KATNAL2: variants seen among roughly 807,000 people sequenced by gnomAD.
KATNAL2 encodes the protein katanin p60 ATPase-containing subunit A-like 2.
Under a neutral mutation model 76.3 loss-of-function variants are expected in KATNAL2, and 52 were observed. The observed-to-expected ratio is 0.68, with a 90% CI of 0.55 to 0.86. The LOEUF is 0.86. KATNAL2 is among the 40% of genes least tolerant of loss of function. KATNAL2 has a pLI of 0.00. For synonymous variants in KATNAL2, 243 were observed against 244.2 expected, an observed-to-expected ratio of 1.00 and a Z score of 0.05; for missense variants, 660 against 668.9, an observed-to-expected ratio of 0.99 and a Z score of 0.15.
chr18:47,034,638 T>C (rs1394339000), intron 3 of KATNAL2: 1 of 1,614,050 alleles, frequency 6.2e-7, no homozygotes, highest in Non-Finnish European at 8.5e-7. Context: ...CCTGGCAGCC[T>C]GGACACAGCA....
In KATNAL2 at chr18:47,101,984, CCTT is replaced by C. The variant is rs1192232197; in HGVS notation, c.*983_*985del. 1.3e-5 allele frequency: 2 copies of C among 152,312 alleles called. No individual in the cohort carries two copies. The highest frequency in any genetic ancestry group is 6.5e-5 in the Admixed American group (1 of 15,294). 9.4% of individuals were successfully genotyped at this position (152,312 alleles called of 1,614,324 possible). Reference sequence around the variant, plus strand: ...ACTAGAACTTACCTATGGGAAATCACCTTCTTTTCTCTTCCTTGCCTTGTCTTC... The same window carrying C: ...ACTAGAACTTACCTATGGGAAATCACCTTTTCTCTTCCTTGCCTTGTCTTC... On this transcript the variant is annotated 3_prime_UTR_variant, in exon 18 of 18. Transcript: ENST00000683218.
chr18:47,087,802 A>G (rs1170348940), intron 15 of KATNAL2, among the ~76,000 whole-genome samples: 1 of 150,566 alleles, frequency 6.6e-6, no homozygotes, highest in African/African-American at 2.5e-5. Flanking sequence ...TACACAGAGC[A>G]ACAAAAATGC....
At position 47,100,890 on chromosome 18, in the gene KATNAL2, A is replaced by C; in HGVS notation, c.1502A>C (p.Gln501Pro). The change falls in exon 18 of 18, where the codon CAG becomes CCG. Residue 501 changes from glutamine (Q) to proline (P), a missense_variant. Coordinates refer to ENST00000683218, the MANE Select transcript of KATNAL2 (RefSeq NM_001387690.1). ...GAAAGCAGCGACTTACCCAGGATCC[A>C]GTTGGATATAGTAACCACTGCCGAC... ...QSESSDLPRI[Q>P]LDIVTTADFL... 6.2e-7 allele frequency: 1 copy of C among 1,614,198 alleles called. No individual in the cohort carries two copies. Among genetic ancestry groups the C allele is most frequent in the Non-Finnish European group, 8.5e-7 (1 of 1,180,032 alleles).
chr18:46,969,061 C>CGG (rs1555839781), intron 3 of KATNAL2: 1 of 1,065,476 alleles, frequency 9.4e-7, no homozygotes, highest in South Asian at 1.5e-5. Flanking sequence ...CTCGCAGCCG[C>CGG]TGCTCTCGGG....
rs1214844726 is a variant in KATNAL2, at chr18:47,066,846, T to C, written c.727-175T>C. ...CCCAAAATTACAATGTATATATGTG[T>C]TTATATATATATATATATATATATA... On this transcript the variant is annotated intron_variant, in intron 10 of 17. Transcript: ENST00000683218. 1.1e-4 allele frequency among the ~76,000 whole-genome samples: 7 copies of C among 61,618 alleles called. No individual in the cohort carries two copies. The South Asian group carries it at 1.8e-3, about 16-fold the overall frequency. The allele number at this position is 61,618 out of a possible 152,430, so 40.4% of individuals were successfully genotyped here.
chr18:47,054,384 GT>G lies in KATNAL2; in HGVS notation c.290-8del. 6.2e-7 allele frequency: 1 copy of G among 1,610,396 alleles called. No individual in the cohort carries two copies. ...TTATTTTCTTTCCCTCCCAATGTCT[GT>G]TTTGTCACAGCAGAAAATAATTTAC... On this transcript the variant is annotated splice_polypyrimidine_tract_variant and intron_variant, in intron 5 of 17. Transcript: ENST00000683218.
chr18:47,031,830 G>T (rs1045260616), intron 3 of KATNAL2, among the ~76,000 whole-genome samples: 6 of 152,076 alleles, frequency 3.9e-5, no homozygotes, highest in African/African-American at 1.4e-4. Flanking sequence ...TTCCCAGAAA[G>T]AATGCTTTCT....
At chr18:47,063,991 A>G (rs2061712272) in intron 10 of KATNAL2, among the ~76,000 whole-genome samples, 2 of 152,190 alleles carry the variant, frequency 1.3e-5, no homozygotes, top group South Asian at 4.1e-4. Context: ...CTATTGCTTC[A>G]TATTTAATTG....
chr18:46,929,681 G>A (rs985098131), intron 1 of KATNAL2, among the ~76,000 whole-genome samples: 9 of 151,928 alleles, frequency 5.9e-5, no homozygotes, highest in Admixed American at 5.9e-4. Context: ...TTTCTTATAC[G>A]GGGCATTTTA....
chr18:47,033,741 C>T, intron 3 of KATNAL2: 1 of 1,614,206 alleles, frequency 6.2e-7, no homozygotes, highest in Non-Finnish European at 8.5e-7. Flanking sequence ...TCTTAGCATT[C>T]ACTCTGCGTC....
intron 15 of KATNAL2, among the ~76,000 whole-genome samples, chr18:47,092,611 A>G (rs1040947291): frequency 1.5e-4 from 23 of 152,228 alleles, no homozygotes; most frequent in African/African-American, 4.8e-4. Context: ...CTCTTGATAC[A>G]TTGAGACATT....
chr18:47,062,732 A>G (rs1275191725), intron 8 of KATNAL2, among the ~76,000 whole-genome samples: 1 of 152,218 alleles, frequency 6.6e-6, no homozygotes, highest in Non-Finnish European at 1.5e-5. Context: ...ACTGAGAAAT[A>G]CTCATGAATT....
At chr18:46,949,979 A>G (rs1323096484) in intron 3 of KATNAL2, among the ~76,000 whole-genome samples, 1 of 152,140 alleles carries the variant, frequency 6.6e-6, no homozygotes, top group East Asian at 1.9e-4. Flanking sequence ...TAAACCCTCC[A>G]AATCTTGACA....
At chr18:47,061,330 G>A (rs568998362) in intron 8 of KATNAL2, among the ~76,000 whole-genome samples, 109 of 152,294 alleles carry the variant, frequency 7.2e-4, no homozygotes, top group African/African-American at 2.5e-3. Context: ...GAAGGCAAGG[G>A]GACCTGGCAT....
intron 15 of KATNAL2, chr18:47,098,199 G>A: frequency 2.7e-6 from 1 of 364,124 alleles, no homozygotes; most frequent in Non-Finnish European, 5.4e-6. Context: ...CTCCAGCCTG[G>A]CGACAGAGCA....
At chr18:47,062,849 T>A in intron 8 of KATNAL2, 123 bp from the exon 9 acceptor site, 1 of 620,776 alleles carries the variant, frequency 1.6e-6, no homozygotes, top group East Asian at 2.8e-5. Context: ...TTTTTAAAGC[T>A]TAACTTGAAG....
intron 3 of KATNAL2, among the ~76,000 whole-genome samples, chr18:46,954,108 A>G (rs2059650526): frequency 6.6e-6 from 1 of 151,748 alleles, no homozygotes; most frequent in Non-Finnish European, 1.5e-5. Context: ...TAGTCCAGGT[A>G]GTCCTGGTAG....
rs186000374 is a variant in KATNAL2 at position 47,059,678 on chromosome 18, C to T, written c.549+24C>T. ...GAGTAAGTGAAACTCATGAACCTAA[C>T]ACTGAAAGTGGTAATTTCTTTTTCC... is the stretch of plus-strand genomic sequence containing the variant. On this transcript the variant is annotated intron_variant, in intron 8 of 17. Transcript: ENST00000683218. 148 of 1,409,790 alleles carry T rather than the reference C, an allele frequency of 1.0e-4. No homozygotes were observed. In the East Asian group the frequency reaches 3.1e-3, roughly 30 times the overall value. 87.3% of individuals were successfully genotyped at this position (1,409,790 alleles called of 1,614,324 possible). A position where few individuals can be genotyped will look rare whatever the true frequency, so the allele number is the denominator to read the frequency against.
intron 3 of KATNAL2, chr18:47,034,744 C>T (rs765737351): frequency 1.2e-6 from 2 of 1,612,802 alleles, no homozygotes; most frequent in Admixed American, 3.3e-5. Context: ...GGGAGCTGTG[C>T]GCGTTGGAGA....
Sources: allele counts gnomAD v4.1 joint callset (sites outside exome capture counted in the v4.1 genomes callset), GRCh38; gene constraint gnomAD v4.1.1; transcripts MANE v1.5; gene names NCBI Gene and HGNC (gene_info 2026-07-23, HGNC 2026-07-21).